SEPTIN11: variants seen among roughly 807,000 people sequenced by gnomAD.
SEPTIN11 encodes septin-11.
In SEPTIN11, 25 loss-of-function variants were observed where a neutral mutation model predicts 51.4. The observed-to-expected ratio is 0.49, with a 90% confidence interval of 0.35 to 0.68. The LOEUF (loss-of-function observed/expected upper bound fraction) is 0.68, where lower values mean the gene tolerates loss of function less well. Among genes scored for constraint, SEPTIN11 ranks in the 30% least tolerant of loss-of-function variants. SEPTIN11 has a pLI of 0.00. For missense variants in SEPTIN11, 381 were observed against 520.8 expected, an observed-to-expected ratio of 0.73 and a Z score of 2.61; for synonymous variants, 174 against 184.1, an observed-to-expected ratio of 0.95 and a Z score of 0.44.
chr4:76,988,551 C>G (rs1027823635), intron 1 of SEPTIN11, among the ~76,000 whole-genome samples: 23 of 152,156 alleles, frequency 1.5e-4, no homozygotes, highest in Admixed American at 1.5e-3. Flanking sequence ...CTCTGTCACC[C>G]AGGCTGGAGT....
intron 3 of SEPTIN11, among the ~76,000 whole-genome samples, chr4:77,010,785 C>T (rs750924128): frequency 1.1e-4 from 17 of 151,392 alleles, no homozygotes; most frequent in Non-Finnish European, 1.8e-4. Context: ...ATTAACTCTT[C>T]GTATTCCTAA....
chr4:76,983,113 CCCAGAA>C (rs2109917745), intron 1 of SEPTIN11, among the ~76,000 whole-genome samples: 1 of 152,192 alleles, frequency 6.6e-6, no homozygotes, highest in East Asian at 1.9e-4. Flanking sequence ...CTGCATAATC[CCCAGAA>C]CTTGTGAATA....
intron 7 of SEPTIN11, among the ~76,000 whole-genome samples, chr4:77,027,202 C>G (rs1035711141): frequency 4.6e-5 from 7 of 152,188 alleles, no homozygotes; most frequent in Non-Finnish European, 5.9e-5. Flanking sequence ...ATGGCATGGT[C>G]TCAGCTCACT....
In SEPTIN11 at chr4:76,993,972, C is replaced by T. The variant is rs144139480; in HGVS notation, c.28-2453C>T. Among the ~76,000 whole-genome samples, 279 of 152,214 alleles carry T rather than the reference C, an allele frequency of 1.8e-3. 4 individuals carry two copies. The East Asian group carries it at 0.049, about 27-fold the overall frequency. On this transcript the variant is annotated intron_variant, in intron 1 of 9. Coordinates refer to ENST00000264893, the MANE Select transcript of SEPTIN11 (RefSeq NM_018243.4). ...CTGGGATGAGAGCTATAATTACTAA[C>T]TCTGATTCTTTCCCAGGATTGGTTC...
At chr4:77,003,439 G>A (rs1379199888) in intron 2 of SEPTIN11, among the ~76,000 whole-genome samples, 1 of 152,220 alleles carries the variant, frequency 6.6e-6, no homozygotes, top group African/African-American at 2.4e-5. Context: ...CTAAGATGTG[G>A]GAGAACACCC....
chr4:76,957,007 A>T (rs1352127189), intron 1 of SEPTIN11, among the ~76,000 whole-genome samples: 29 of 39,110 alleles, frequency 7.4e-4, no homozygotes, highest in South Asian at 1.3e-3. Context: ...AGAGAGAGAG[A>T]CAGAGACAGA....
rs36000718 is a variant in SEPTIN11 at position 76,997,491 on chromosome 4, G to C, written c.142+952G>C. Among the ~76,000 whole-genome samples the C allele has an allele frequency of 6.3e-4, 96 of 152,264 alleles. 1 individual carries two copies. The highest frequency in any genetic ancestry group is 1.3e-3 in the Non-Finnish European group (87 of 68,022). ...TATTTTTCTTTTTTAAAAACTTCTT[G>C]AACTTCTTGATGACTCTACTGCATG... is the stretch of plus-strand genomic sequence containing the variant. On this transcript the variant is annotated intron_variant, in intron 2 of 9. Transcript: ENST00000264893.
rs748987603 is a variant in SEPTIN11, at chr4:77,018,339, T to C, written c.688-826T>C. 4.2e-4 allele frequency among the ~76,000 whole-genome samples: 64 copies of C among 151,982 alleles called. 1 individual carries two copies. The highest frequency in any genetic ancestry group is 1.2e-4 in the Non-Finnish European group (8 of 67,968). ...TGGCCGGTGCCTGTAGTCCCAGCTA[T>C]TTGGGACGCTGAGGCAGGAGAATGG... On this transcript the variant is annotated intron_variant, in intron 5 of 9. Transcript: ENST00000264893.
At position 77,011,765 on chromosome 4, in the gene SEPTIN11, C is replaced by A; in HGVS notation, c.369C>A (p.Ala123=). The A allele has an allele frequency of 6.2e-7, 1 of 1,614,032 alleles. No individual in the cohort carries two copies. Among genetic ancestry groups the A allele is most frequent in the Non-Finnish European group, 8.5e-7 (1 of 1,179,970 alleles). ...SYKPIVEYID[A]QFEAYLQEEL... is the part of the protein sequence containing the mutation. Reference sequence around the variant, plus strand: ...AGCCGATAGTAGAATATATTGATGCCCAGTTCGAGGCCTACCTGCAAGAGG... The same window carrying A: ...AGCCGATAGTAGAATATATTGATGCACAGTTCGAGGCCTACCTGCAAGAGG... The change falls in exon 4 of 10, where the codon GCC becomes GCA. Residue 123 remains alanine, a synonymous_variant. Coordinates refer to ENST00000264893, the MANE Select transcript of SEPTIN11 (RefSeq NM_018243.4).
intron 2 of SEPTIN11, among the ~76,000 whole-genome samples, chr4:77,004,228 C>T (rs2109945845): frequency 6.6e-6 from 1 of 152,286 alleles, no homozygotes; most frequent in East Asian, 1.9e-4. Flanking sequence ...TTACAGATAC[C>T]TGCTACTCTG....
intron 7 of SEPTIN11, among the ~76,000 whole-genome samples, chr4:77,023,716 G>A (rs1725907304): frequency 6.6e-6 from 1 of 152,164 alleles, no homozygotes; most frequent in Admixed American, 6.5e-5. Context: ...TCCCTTTGAA[G>A]AATTTCGGGC....
At chr4:76,987,784 T>A in intron 1 of SEPTIN11, 1 of 924,164 alleles carries the variant, frequency 1.1e-6, no homozygotes, top group Non-Finnish European at 1.3e-6. Flanking sequence ...CGAGACAGCA[T>A]GTTCTTTTCT....
chr4:76,975,280 T>G (rs1722443643), intron 1 of SEPTIN11, among the ~76,000 whole-genome samples: 1 of 152,122 alleles, frequency 6.6e-6, no homozygotes, highest in Admixed American at 6.6e-5. Flanking sequence ...GTTGGAAAAC[T>G]CTTTCTACCA....
At position 77,035,269 on chromosome 4, in the gene SEPTIN11, A is replaced by G. The variant is rs995336949; in HGVS notation, c.*757A>G. The G allele has an allele frequency of 1.1e-4, 111 of 985,298 alleles. No homozygotes were observed. The highest frequency in any genetic ancestry group is 1.0e-3 in the Middle Eastern group (2 of 1,936). 61.0% of individuals were successfully genotyped at this position (985,298 alleles called of 1,614,324 possible). A position where few individuals can be genotyped will look rare whatever the true frequency, so the allele number is the denominator to read the frequency against. On this transcript the variant is annotated 3_prime_UTR_variant, in exon 10 of 10. Coordinates refer to ENST00000264893, the MANE Select transcript of SEPTIN11 (RefSeq NM_018243.4). ...AGAGGTCTTAAAGGTTGGATCATGT[A>G]ACATTGCTTAGTAGAAGAATCTTCT...
At chr4:76,953,590 G>A (rs1267720731) in intron 1 of SEPTIN11, among the ~76,000 whole-genome samples, 1 of 152,118 alleles carries the variant, frequency 6.6e-6, no homozygotes, top group East Asian at 1.9e-4. Flanking sequence ...AACATGAATG[G>A]AGCCAAGAAA....
intron 1 of SEPTIN11, among the ~76,000 whole-genome samples, chr4:76,986,950 C>T (rs1723064592): frequency 6.6e-6 from 1 of 151,938 alleles, no homozygotes; most frequent in African/African-American, 2.4e-5. Context: ...CCAAAGAAAA[C>T]CCCCACACGG....
intron 1 of SEPTIN11, 36 bp from the exon 2 acceptor site, chr4:76,996,389 C>T: frequency 1.4e-6 from 2 of 1,416,468 alleles, no homozygotes; most frequent in Non-Finnish European, 2.0e-6. Context: ...TGGCATGGTT[C>T]ATGGACACTC....
Position 77,037,146 on chromosome 4 carries a change from G to A in SEPTIN11, c.*2634G>A. 1.2e-6 allele frequency: 1 copy of A among 838,174 alleles called. No homozygotes were observed. The highest frequency in any genetic ancestry group is 1.4e-6 in the Non-Finnish European group (1 of 690,424). 51.9% of individuals were successfully genotyped at this position (838,174 alleles called of 1,614,324 possible). ...AGAGGCCGAGGTGGGCAGATCACTT[G>A]AGGCCTGGAGTTCAAGACCACCTTG... is the stretch of plus-strand genomic sequence containing the variant. On this transcript the variant is annotated 3_prime_UTR_variant, in exon 10 of 10. Transcript: ENST00000264893.
At chr4:76,950,081 G>A (rs1012089924) in intron 1 of SEPTIN11, 151 bp downstream of exon 1, 3 of 797,066 alleles carry the variant, frequency 3.8e-6, no homozygotes, top group Non-Finnish European at 5.3e-6. Context: ...TTGGGCGCGC[G>A]TCTGGGGTCG....
Sources: gnomAD v4.1 joint callset for allele counts (sites outside exome capture counted in the v4.1 genomes callset) on GRCh38, gnomAD v4.1.1 for gene constraint, MANE v1.5 for transcripts, NCBI Gene and HGNC (gene_info 2026-07-23, HGNC 2026-07-21) for gene names.